PUS10: variants seen among roughly 807,000 people sequenced by gnomAD.
PUS10 encodes pseudouridine synthase 10.
A neutral mutation model predicts 75.0 loss-of-function variants in PUS10; 59 were observed. The ratio of observed to expected loss-of-function variants is 0.79; its 90% confidence interval spans 0.64 to 0.98. PUS10 has a LOEUF of 0.98. PUS10 is among the 50% of genes least tolerant of loss of function. The pLI is 0.00. For synonymous variants in PUS10, 219 were observed against 211.6 expected (o/e 1.03, Z -0.30); for missense variants, 650 against 614.4 (o/e 1.06, Z -0.61).
chr2:61,016,396 T>C (rs1679979472), intron 1 of PUS10, among the ~76,000 whole-genome samples: 1 of 152,234 alleles, frequency 6.6e-6, no homozygotes, highest in Non-Finnish European at 1.5e-5. Context: ...CGTCTTAAAT[T>C]TGGTTTTTTC....
intron 4 of PUS10, among the ~76,000 whole-genome samples, chr2:60,993,452 G>A (rs1309520525): frequency 6.6e-6 from 1 of 150,472 alleles, no homozygotes; most frequent in East Asian, 2.0e-4. Context: ...GTGAGACTCT[G>A]TCTCAAAAAA....
chr2:60,960,341 CT>C (rs1171667982), intron 11 of PUS10, 50 bp downstream of exon 11: 24 of 1,260,754 alleles, frequency 1.9e-5, no homozygotes, highest in Non-Finnish European at 2.5e-5. Context: ...AAGCCCCTAT[CT>C]CAAAAAAAAA....
chr2:61,017,558 G>C, intron 1 of PUS10: 1 of 555,506 alleles, frequency 1.8e-6, no homozygotes, highest in Non-Finnish European at 3.2e-6. Context: ...AATACAAAGA[G>C]CGTGTTTCTT....
At chr2:61,004,427 G>A (rs1679063816) in intron 4 of PUS10, among the ~76,000 whole-genome samples, 1 of 152,042 alleles carries the variant, frequency 6.6e-6, no homozygotes, top group South Asian at 2.1e-4. Flanking sequence ...GACAGATCAA[G>A]ACCATCCTGG....
At chr2:60,996,596 T>TAA (rs1271182070) in intron 4 of PUS10, among the ~76,000 whole-genome samples, 1 of 143,138 alleles carries the variant, frequency 7.0e-6, no homozygotes, top group Non-Finnish European at 1.5e-5. Flanking sequence ...TGGTATGGTT[T>TAA]AAAAAAAAAA....
chr2:61,014,350 G>A (rs1356980653), intron 1 of PUS10, among the ~76,000 whole-genome samples: 1 of 152,164 alleles, frequency 6.6e-6, no homozygotes, highest in East Asian at 1.9e-4. Context: ...CTTCACTCCA[G>A]CCTGGGCAAT....
At chr2:60,988,704 C>T (rs966194204) in intron 4 of PUS10, among the ~76,000 whole-genome samples, 4 of 152,062 alleles carry the variant, frequency 2.6e-5, no homozygotes, top group African/African-American at 9.7e-5. Flanking sequence ...GGTGCAATCT[C>T]GGCTCACTGC....
rs750189614 is a variant in PUS10, at chr2:60,967,521, C to T, written c.596G>A (p.Gly199Asp). The T allele has an allele frequency of 6.9e-6, 11 of 1,601,994 alleles. No homozygotes were observed. In the South Asian group the frequency reaches 1.2e-4, roughly 18 times the overall value. ...ITHPLFSEEL[G>D]VPIDGKSLFE... ...CAATACCTTTCCATCAATGGGAACA[C>T]CCAGTTCCTCTGAAAACAGGGGGTG... is the stretch of plus-strand genomic sequence containing the variant. Residue 199 changes from glycine (G) to aspartate (D), a missense_variant, in exon 6 of 18, where the codon GGT becomes GAT. Physicochemically the swap from Gly to Asp is moderately conservative, Grantham distance 94. Coordinates refer to ENST00000316752, the MANE Select transcript of PUS10 (RefSeq NM_144709.4).
chr2:60,944,339 T>C (rs1558852971), intron 17 of PUS10: 5 of 475,714 alleles, frequency 1.1e-5, no homozygotes, highest in Non-Finnish European at 1.4e-5. Flanking sequence ...TGTTTTCACA[T>C]TGGGCAACTA....
intron 5 of PUS10, 127 bp from the exon 6 acceptor site, chr2:60,967,740 C>A: frequency 1.7e-6 from 1 of 583,352 alleles, no homozygotes; most frequent in Non-Finnish European, 2.9e-6. Flanking sequence ...CTATTCTACA[C>A]ATTAAATAGA....
intron 8 of PUS10, 67 bp from the exon 9 acceptor site, chr2:60,962,957 C>T: frequency 2.7e-6 from 4 of 1,483,156 alleles, no homozygotes; most frequent in South Asian, 2.7e-5. Context: ...AGACGTGAAA[C>T]ACAGAACATG....
At position 60,967,521 on chromosome 2, in the gene PUS10, C is replaced by A. The variant is rs750189614; in HGVS notation, c.596G>T (p.Gly199Val). The change falls in exon 6 of 18, where the codon GGT becomes GTT. Residue 199 changes from glycine (G) to valine (V), a missense_variant. By Grantham distance (109) the Gly-to-Val change is moderately radical (BLOSUM62 -3). Coordinates refer to ENST00000316752, the MANE Select transcript of PUS10 (RefSeq NM_144709.4). Reference protein sequence around the residue: ...ITHPLFSEELGVPIDGKSLFE... With the variant: ...ITHPLFSEELVVPIDGKSLFE... The stretch of plus-strand genomic sequence containing the variant: ...CAATACCTTTCCATCAATGGGAACA[C>A]CCAGTTCCTCTGAAAACAGGGGGTG... 2.5e-6 allele frequency: 4 copies of A among 1,601,994 alleles called. No individual in the cohort carries two copies. The highest frequency in any genetic ancestry group is 3.4e-6 in the Non-Finnish European group (4 of 1,171,536).
intron 1 of PUS10, among the ~76,000 whole-genome samples, chr2:61,015,673 T>C (rs1679924122): frequency 6.6e-6 from 1 of 152,190 alleles, no homozygotes; most frequent in Non-Finnish European, 1.5e-5. Flanking sequence ...TACTCCAGTC[T>C]GGGCAACAGA....
intron 11 of PUS10, among the ~76,000 whole-genome samples, chr2:60,956,949 C>A (rs1211718961): frequency 8.4e-6 from 1 of 119,016 alleles, no homozygotes; most frequent in East Asian, 2.5e-4. Flanking sequence ...CACTCCAGCC[C>A]GGGTGACAGA....
At chr2:61,010,129 C>G in intron 2 of PUS10, 1 of 152,072 alleles carries the variant, frequency 6.6e-6, no homozygotes, top group East Asian at 1.9e-4. Flanking sequence ...TGATAACACT[C>G]AGTCTCTTAA....
At chr2:60,955,227 T>C (rs1020043253) in intron 11 of PUS10, among the ~76,000 whole-genome samples, 153 bp from the exon 12 acceptor site, 8 of 152,176 alleles carry the variant, frequency 5.3e-5, no homozygotes, top group Non-Finnish European at 1.2e-4. Context: ...TGTCAATCTC[T>C]ACTAAAAATA....
At chr2:60,954,931 C>T in intron 12 of PUS10, 87 bp downstream of exon 12, 1 of 873,940 alleles carries the variant, frequency 1.1e-6, no homozygotes, top group Admixed American at 2.9e-5. Context: ...CTTTGTTTTT[C>T]ACTGAGTGAC....
intron 4 of PUS10, among the ~76,000 whole-genome samples, chr2:61,006,086 A>T (rs1008198874): frequency 1.3e-5 from 2 of 152,238 alleles, no homozygotes; most frequent in South Asian, 4.1e-4. Context: ...AGTTTAAAAA[A>T]AATGAGGCCA....
At chr2:60,960,844 A>T (rs759859618) in intron 10 of PUS10, among the ~76,000 whole-genome samples, 339 of 11,550 alleles carry the variant, frequency 0.029, 1 homozygote, top group Non-Finnish European at 0.056. Flanking sequence ...TACCAAGGAT[A>T]AAAAAAAAAA....
Sources: allele counts gnomAD v4.1 joint callset (sites outside exome capture counted in the v4.1 genomes callset), GRCh38; gene constraint gnomAD v4.1.1; transcripts MANE v1.5; gene names NCBI Gene and HGNC (gene_info 2026-07-23, HGNC 2026-07-21).